SLC71A1: variants seen among roughly 807,000 people sequenced by gnomAD.
SLC71A1 encodes the protein solute carrier family 71 member 1, also known as hippocampus abundant gene transcript 1.
At chr1:100,046,207 GCCT>G in the SLC71A1 span, among the ~76,000 whole-genome samples, 5 of 123,604 alleles carry the variant, frequency 4.0e-5, no homozygotes, top group East Asian at 1.4e-3. Context: ...ATTCCTCCAA[GCCT>G]CGTTTTTTTT....
At chr1:100,067,908 A>T in the SLC71A1 span, 1 of 1,153,758 alleles carries the variant, frequency 8.7e-7, no homozygotes, top group African/African-American at 1.5e-5. Flanking sequence ...CAAGATTATG[A>T]AAGGAGTTAT....
chr1:100,081,014 A>C, the SLC71A1 span, among the ~76,000 whole-genome samples: 207 of 152,328 alleles, frequency 1.4e-3, 5 homozygotes, highest in Admixed American at 2.1e-3. Context: ...ACCTTTGTTC[A>C]CTGTTTGCTA....
chr1:100,043,331 G>A, the SLC71A1 span: 1 of 328,128 alleles, frequency 3.0e-6, no homozygotes, highest in Non-Finnish European at 4.4e-6. Flanking sequence ...AGTAACAGTT[G>A]ACAGTTTCAG....
the SLC71A1 span, among the ~76,000 whole-genome samples, chr1:100,059,551 A>G: frequency 5.3e-5 from 8 of 151,246 alleles, no homozygotes; most frequent in African/African-American, 1.5e-4. Context: ...TATGTTTTAT[A>G]TATATATATA....
chr1:100,054,198 C>T, the SLC71A1 span, among the ~76,000 whole-genome samples: 2,171 of 151,390 alleles, frequency 0.014, 17 homozygotes, highest in Non-Finnish European at 0.02. Flanking sequence ...CATGTCACCA[C>T]GCCCAGCTAA....
the SLC71A1 span, among the ~76,000 whole-genome samples, chr1:100,074,882 A>C: frequency 6.6e-6 from 1 of 152,072 alleles, no homozygotes; most frequent in Admixed American, 6.5e-5. Context: ...CTCAAAAGAA[A>C]AAAAAACCCA....
At chr1:100,045,750 G>A in the SLC71A1 span, among the ~76,000 whole-genome samples, 36 of 150,698 alleles carry the variant, frequency 2.4e-4, no homozygotes, top group Non-Finnish European at 3.4e-4. Context: ...TCGCTCTGTC[G>A]CCCAGGCGAC....
At chr1:100,038,806 A>G in the SLC71A1 span, among the ~76,000 whole-genome samples, 1 of 152,198 alleles carries the variant, frequency 6.6e-6, no homozygotes, top group Non-Finnish European at 1.5e-5. Flanking sequence ...GCCCCGTAGT[A>G]CGTTCGCTTT....
chr1:100,053,651 C>T, the SLC71A1 span, among the ~76,000 whole-genome samples: 1 of 151,922 alleles, frequency 6.6e-6, no homozygotes, highest in Non-Finnish European at 1.5e-5. Flanking sequence ...TTATGATAGC[C>T]TTAATTTCTT....
chr1:100,060,595 G>A, the SLC71A1 span, among the ~76,000 whole-genome samples: 1 of 152,026 alleles, frequency 6.6e-6, no homozygotes, highest in Non-Finnish European at 1.5e-5. Context: ...TAGCAAGGTG[G>A]AAGGAGTTGC....
chr1:100,068,079 A>G, the SLC71A1 span: 10 of 1,614,130 alleles, frequency 6.2e-6, no homozygotes, highest in Admixed American at 1.2e-4. Flanking sequence ...AGCTACAGCA[A>G]TAGCTTTGCT....
the SLC71A1 span, chr1:100,068,626 G>C: frequency 9.3e-7 from 1 of 1,077,496 alleles, no homozygotes; most frequent in Non-Finnish European, 1.4e-6. Flanking sequence ...TTCTTTCATT[G>C]TCTAGTGCTT....
At chr1:100,079,883 A>C in the SLC71A1 span, 1 of 152,530 alleles carries the variant, frequency 6.6e-6, no homozygotes, top group Non-Finnish European at 1.5e-5. Flanking sequence ...CTCAAAAAAA[A>C]AAGTGTGATT....
chr1:100,052,192 A>G, the SLC71A1 span, among the ~76,000 whole-genome samples: 1 of 152,134 alleles, frequency 6.6e-6, no homozygotes, highest in African/African-American at 2.4e-5. Flanking sequence ...GAAAAAAAGC[A>G]TTTTGTGATG....
the SLC71A1 span, chr1:100,061,900 A>G: frequency 6.2e-7 from 1 of 1,613,636 alleles, no homozygotes. Context: ...GTATTTGCAT[A>G]CGTAGCAGAT....
the SLC71A1 span, chr1:100,078,355 A>G: frequency 2.6e-6 from 2 of 783,908 alleles, no homozygotes; most frequent in Non-Finnish European, 4.2e-6. Flanking sequence ...TTTTCTCTAC[A>G]GCCATTTCAC....
the SLC71A1 span, among the ~76,000 whole-genome samples, chr1:100,045,622 A>G: frequency 6.6e-6 from 1 of 152,360 alleles, no homozygotes; most frequent in East Asian, 1.9e-4. Context: ...TATACAGTGT[A>G]TAATAAATCA....
At chr1:100,040,248 G>T in the SLC71A1 span, among the ~76,000 whole-genome samples, 2 of 152,118 alleles carry the variant, frequency 1.3e-5, no homozygotes, top group Admixed American at 6.5e-5. Flanking sequence ...ATTCCTAGAT[G>T]AATTTTTATT....
chr1:100,038,665 C>G, the SLC71A1 span, among the ~76,000 whole-genome samples: 2 of 152,112 alleles, frequency 1.3e-5, no homozygotes, highest in African/African-American at 4.8e-5. Context: ...CCCCTCGTCG[C>G]CGCAGCCTCG....
Sources: allele counts gnomAD v4.1 joint callset (sites outside exome capture counted in the v4.1 genomes callset), GRCh38; gene constraint gnomAD v4.1.1; transcripts MANE v1.5; gene names NCBI Gene and HGNC (gene_info 2026-07-23, HGNC 2026-07-21).